ATP8B1: variants seen among roughly 807,000 people sequenced by gnomAD.
ATP8B1 encodes ATPase phospholipid transporting 8B1, also known as phospholipid-transporting ATPase IC.
In ATP8B1, 80 loss-of-function variants were observed where a neutral mutation model predicts 149.9. The observed-to-expected ratio is 0.53, with a 90% CI of 0.45 to 0.64. The LOEUF (loss-of-function observed/expected upper bound fraction) is 0.64, where lower values mean the gene tolerates loss of function less well. Ranked by LOEUF, ATP8B1 falls within the 30% of genes least tolerant of loss-of-function variation. The probability of loss-of-function intolerance (pLI) is 0.00; values close to 1 mark genes in which losing one functional copy is unlikely to be tolerated. For synonymous variants in ATP8B1, 536 were observed against 562.8 expected, an observed-to-expected ratio of 0.95 and a Z score of 0.67; for missense variants, 1,247 against 1,552.6, an observed-to-expected ratio of 0.80 and a Z score of 3.31.
At chr18:57,756,555 C>T (rs886119745) in intron 1 of ATP8B1, among the ~76,000 whole-genome samples, 2 of 152,030 alleles carry the variant, frequency 1.3e-5, no homozygotes, top group African/African-American at 4.8e-5. Flanking sequence ...CCCACCTTGG[C>T]CTCCCAAAGT....
chr18:57,721,077 A>G (rs1482168542), intron 2 of ATP8B1, among the ~76,000 whole-genome samples: 1 of 112,970 alleles, frequency 8.9e-6, no homozygotes, highest in Admixed American at 9.1e-5. Context: ...GGCCTGCCCT[A>G]AAAGAGCTCC....
intron 2 of ATP8B1, among the ~76,000 whole-genome samples, chr18:57,722,285 T>C (rs1315002556): frequency 6.9e-6 from 1 of 143,892 alleles, no homozygotes; most frequent in African/African-American, 2.5e-5. Flanking sequence ...CAAAAAACCC[T>C]TCAAAAAATC....
intron 27 of ATP8B1, among the ~76,000 whole-genome samples, chr18:57,650,054 GA>G (rs546601517): frequency 5.3e-4 from 81 of 151,684 alleles, no homozygotes; most frequent in African/African-American, 1.7e-3. Flanking sequence ...CTTAAATAAA[GA>G]AAAAAAACCC....
Position 57,698,587 on chromosome 18 carries a change from G to A in ATP8B1, c.555-720C>T, listed in dbSNP as rs529696256. On this transcript the variant is annotated intron_variant, in intron 6 of 27. Coordinates refer to ENST00000648908, the MANE Select transcript of ATP8B1 (RefSeq NM_001374385.1). ...TGACCTCAGGTGATCCACCCACCTC[G>A]GCCTCCCAAAGTGCTGGGATTATAG... Among the ~76,000 whole-genome samples the A allele has an allele frequency of 9.2e-5, 14 of 152,196 alleles. No individual in the cohort carries two copies. The South Asian group carries it at 1.7e-3, about 18-fold the overall frequency.
At chr18:57,728,445 G>A (rs1490210919) in intron 2 of ATP8B1, among the ~76,000 whole-genome samples, 2 of 152,116 alleles carry the variant, frequency 1.3e-5, no homozygotes, top group East Asian at 3.8e-4. Context: ...AAAGGAAAGA[G>A]GGATGAAGAG....
intron 17 of ATP8B1, among the ~76,000 whole-genome samples, chr18:57,669,778 T>C (rs1171983861): frequency 6.6e-6 from 1 of 152,064 alleles, no homozygotes; most frequent in East Asian, 1.9e-4. Context: ...GCCTCCCAAG[T>C]AGCTGGGACT....
rs368113178 is a variant in ATP8B1, at chr18:57,726,886, C to A, written c.181+4741G>T. ...CCTTAGGTCAGGAGTTCAAGACAAG[C>A]CTGGCCAACATGGCAAAATTCCGTC... On this transcript the variant is annotated intron_variant, in intron 2 of 27. Transcript: ENST00000648908. 3.9e-5 allele frequency among the ~76,000 whole-genome samples: 6 copies of A among 152,300 alleles called. No individual in the cohort carries two copies. The South Asian group carries it at 6.2e-4, about 16-fold the overall frequency.
intron 22 of ATP8B1, among the ~76,000 whole-genome samples, chr18:57,658,003 A>G (rs1447568763): frequency 9.9e-5 from 15 of 151,612 alleles, no homozygotes; most frequent in Non-Finnish European, 1.9e-4. Context: ...TTCTTTTATC[A>G]TTCCTTAACA....
In ATP8B1 at chr18:57,736,452, A is replaced by AGTTTTTTTTTTTTTTTTTTTTTTTTT. The variant is rs2079855357; in HGVS notation, c.-25-4621_-25-4620insAAAAAAAAAAAAAAAAAAAAAAAAAC. On this transcript the variant is annotated intron_variant, in intron 1 of 27. Transcript: ENST00000648908. The stretch of plus-strand genomic sequence containing the variant: ...TTTTCTTCTAGTATAAAGTTTTACT[A>AGTTTTTTTTTTTTTTTTTTTTTTTTT]GTTTTTTTTTTTTTTTTTTTTTTTT... Among the ~76,000 whole-genome samples the AGTTTTTTTTTTTTTTTTTTTTTTTTT allele has an allele frequency of 3.1e-5, 2 of 63,566 alleles. 1 individual carries two copies. The allele number at this position is 63,566 out of a possible 152,430, so 41.7% of individuals were successfully genotyped here. A position where few individuals can be genotyped will look rare whatever the true frequency, so the allele number is the denominator to read the frequency against.
At chr18:57,706,612 C>T (rs1476462514) in intron 2 of ATP8B1, 25 bp from the exon 3 acceptor site, 8 of 1,564,236 alleles carry the variant, frequency 5.1e-6, no homozygotes, top group Non-Finnish European at 6.2e-6. Context: ...GAGAAAAGTT[C>T]GTAAGTAGCA....
intron 23 of ATP8B1, among the ~76,000 whole-genome samples, chr18:57,654,459 C>T (rs889405330): frequency 1.1e-4 from 17 of 151,988 alleles, no homozygotes; most frequent in South Asian, 4.2e-4. Flanking sequence ...GCTGGGATTA[C>T]AGGCACACGC....
intron 2 of ATP8B1, among the ~76,000 whole-genome samples, chr18:57,718,126 A>T (rs1486849463): frequency 1.5e-5 from 2 of 136,552 alleles, no homozygotes; most frequent in Non-Finnish European, 3.2e-5. Context: ...AAAAAAAAAA[A>T]GCAAAAAAAG....
chr18:57,771,733 A>G (rs1382823458), intron 1 of ATP8B1, among the ~76,000 whole-genome samples: 1 of 152,182 alleles, frequency 6.6e-6, no homozygotes, highest in Non-Finnish European at 1.5e-5. Context: ...GTTTCCAAAG[A>G]TATGAGTGGC....
intron 27 of ATP8B1, 114 bp downstream of exon 27, chr18:57,650,253 A>G: frequency 7.3e-7 from 1 of 1,374,332 alleles, no homozygotes; most frequent in Admixed American, 1.8e-5. Context: ...CAATCATGAA[A>G]AATCATTCTT....
At chr18:57,691,328 G>A (rs572571595) in intron 12 of ATP8B1, among the ~76,000 whole-genome samples, 1 of 152,260 alleles carries the variant, frequency 6.6e-6, no homozygotes, top group East Asian at 1.9e-4. Context: ...TGAAGGACAG[G>A]GAGTTTCTTT....
Position 57,648,425 on chromosome 18 carries a change from TGA to T in ATP8B1, c.*61_*62del, listed in dbSNP as rs1197597710. 2.3e-5 allele frequency: 36 copies of T among 1,550,604 alleles called. No individual in the cohort carries two copies. The highest frequency in any genetic ancestry group is 3.1e-5 in the Non-Finnish European group (35 of 1,125,942). On this transcript the variant is annotated 3_prime_UTR_variant, in exon 28 of 28. Coordinates refer to ENST00000648908, the MANE Select transcript of ATP8B1 (RefSeq NM_001374385.1). Reference sequence around the variant, plus strand: ...CAATTCACACACACACACAAAGTCCTGAGAGTCTTTCATAAAAAAATAGACGT... The same window carrying T: ...CAATTCACACACACACACAAAGTCCTGAGTCTTTCATAAAAAAATAGACGT...
chr18:57,696,701 G>A (rs1055352552), intron 8 of ATP8B1, among the ~76,000 whole-genome samples: 26 of 152,324 alleles, frequency 1.7e-4, no homozygotes, highest in African/African-American at 6.0e-4. Flanking sequence ...AGGGAGCAAT[G>A]TCCCGACTCT....
intron 1 of ATP8B1, among the ~76,000 whole-genome samples, chr18:57,773,527 T>G (rs7228239): frequency 6.6e-6 from 1 of 152,040 alleles, no homozygotes. Flanking sequence ...TATTTGGCCC[T>G]GACATTCTAT....
Position 57,652,590 on chromosome 18 carries a change from A to C in ATP8B1, c.3155T>G (p.Leu1052Arg), listed in dbSNP as rs139083067. 334 of 1,614,084 alleles carry C rather than the reference A, an allele frequency of 2.1e-4. No homozygotes were observed. Among genetic ancestry groups the C allele is most frequent in the Non-Finnish European group, 2.5e-4 (299 of 1,180,042 alleles). Residue 1052 changes from leucine (L) to arginine (R), a missense_variant, in exon 25 of 28, where the codon CTT (leucine) becomes CGT (arginine). Around this residue, in one of 3 missense-constraint regions of ATP8B1, gnomAD observed 230 missense variants for 356.6 expected, o/e 0.65. Transcript: ENST00000648908. The part of the protein sequence containing the change: ...LTSMILFFIP[L>R]GAYLQTVGQD... ...CCCTACGGTTTGCAGATAAGCTCCA[A>C]GAGGTATGAAGAAGAGGATCATCGA...
Sources: allele counts gnomAD v4.1 joint callset (sites outside exome capture counted in the v4.1 genomes callset), GRCh38; gene constraint gnomAD v4.1.1; regional missense constraint gnomAD v4.1.1; transcripts MANE v1.5; gene names NCBI Gene and HGNC (gene_info 2026-07-23, HGNC 2026-07-21).